Variants in MTPN observed in about 807,000 individuals in gnomAD.
MTPN encodes the protein myotrophin, also known as granule cell differentiation protein.
Under a neutral mutation model 13.5 loss-of-function variants are expected in MTPN, and 2 were observed. That is an observed-to-expected ratio of 0.15 (90% CI 0.06 to 0.47). MTPN has a LOEUF of 0.47. Among genes scored for constraint, MTPN ranks in the 20% least tolerant of loss-of-function variants. MTPN has a pLI of 0.97. For synonymous variants in MTPN, 46 were observed against 51.7 expected, an observed-to-expected ratio of 0.89 and a Z score of 0.48; for missense variants, 79 against 137.9, an observed-to-expected ratio of 0.57 and a Z score of 2.14.
intron 1 of MTPN, among the ~76,000 whole-genome samples, chr7:135,955,851 A>G (rs1799436491): frequency 6.6e-6 from 1 of 152,000 alleles, no homozygotes; most frequent in African/African-American, 2.4e-5. Flanking sequence ...TAAAAAAAAA[A>G]AAACCCAATA....
At chr7:135,974,652 A>C (rs541612163) in intron 1 of MTPN, among the ~76,000 whole-genome samples, 1 of 152,370 alleles carries the variant, frequency 6.6e-6, no homozygotes, top group South Asian at 2.1e-4. Context: ...GAGAGTTTTT[A>C]AAATAGACTC....
At chr7:135,974,557 G>A (rs1799744185) in intron 1 of MTPN, among the ~76,000 whole-genome samples, 1 of 152,118 alleles carries the variant, frequency 6.6e-6, no homozygotes, top group Admixed American at 6.5e-5. Context: ...AAGAGGAGGA[G>A]GAGGGGAATA....
intron 1 of MTPN, among the ~76,000 whole-genome samples, chr7:135,952,609 T>C (rs575955341): frequency 6.6e-6 from 1 of 152,310 alleles, no homozygotes; most frequent in African/African-American, 2.4e-5. Flanking sequence ...CTGTTTCTAA[T>C]TCGCTATTTG....
At chr7:135,949,988 A>G (rs2116373199) in intron 3 of MTPN, among the ~76,000 whole-genome samples, 1 of 152,296 alleles carries the variant, frequency 6.6e-6, no homozygotes, top group East Asian at 1.9e-4. Flanking sequence ...GCTTTCCAAC[A>G]TCTGTAGGAT....
chr7:135,958,383 A>G (rs1290927574), intron 1 of MTPN, among the ~76,000 whole-genome samples: 1 of 152,144 alleles, frequency 6.6e-6, no homozygotes, highest in Non-Finnish European at 1.5e-5. Context: ...TGCCTACCAA[A>G]CAGCTACTAC....
intron 1 of MTPN, among the ~76,000 whole-genome samples, chr7:135,961,195 A>G (rs1444981955): frequency 6.6e-6 from 1 of 152,138 alleles, no homozygotes; most frequent in African/African-American, 2.4e-5. Context: ...TTAGGAGTAT[A>G]AAGTTCTAAC....
intron 1 of MTPN, among the ~76,000 whole-genome samples, chr7:135,962,793 T>C (rs576803579): frequency 2.0e-5 from 3 of 152,072 alleles, no homozygotes; most frequent in Admixed American, 1.3e-4. Flanking sequence ...TTAGGTTTAT[T>C]TGAATAATAA....
In MTPN at chr7:135,950,698, CAG is replaced by C. The variant is rs1182763760; in HGVS notation, c.187-18_187-17del. 5 of 1,567,070 alleles carry C rather than the reference CAG, an allele frequency of 3.2e-6. No individual in the cohort carries two copies. The highest frequency in any genetic ancestry group is 4.4e-6 in the Non-Finnish European group (5 of 1,142,360). ...TATCTGGAGCCTATGAAATAATAAA[CAG>C]AGATAACTTTATCTGTTTTTCATTT... On this transcript the variant is annotated splice_polypyrimidine_tract_variant and intron_variant, in intron 2 of 3. Coordinates refer to ENST00000393085, the MANE Select transcript of MTPN (RefSeq NM_145808.4).
chr7:135,963,281 C>T (rs986794439), intron 1 of MTPN, among the ~76,000 whole-genome samples: 3 of 151,944 alleles, frequency 2.0e-5, no homozygotes, highest in Non-Finnish European at 4.4e-5. Context: ...TCCCTCCTTT[C>T]CTAATACTCT....
intron 3 of MTPN, among the ~76,000 whole-genome samples, chr7:135,933,934 G>A (rs576672754): frequency 6.6e-6 from 1 of 152,184 alleles, no homozygotes; most frequent in Admixed American, 6.5e-5. Flanking sequence ...TTGCTTAAAA[G>A]TGTGTAGCAC....
At position 135,951,486 on chromosome 7, in the gene MTPN, T is replaced by A. The variant is rs755725473; in HGVS notation, c.186+31A>T. On this transcript the variant is annotated intron_variant, in intron 2 of 3. Coordinates refer to ENST00000393085, the MANE Select transcript of MTPN (RefSeq NM_145808.4). ...TACCCATAGCATATTAACAGAAAAT[T>A]TTTTCAAGAATGATCACGTCCTCTA... The A allele has an allele frequency of 8.7e-6, 13 of 1,490,648 alleles. No individual in the cohort carries two copies. In the East Asian group the frequency reaches 2.7e-4, roughly 31 times the overall value. The allele number at this position is 1,490,648 out of a possible 1,614,324, so 92.3% of individuals were successfully genotyped here. A position where few individuals can be genotyped will look rare whatever the true frequency, so the allele number is the denominator to read the frequency against.
intron 3 of MTPN, among the ~76,000 whole-genome samples, chr7:135,933,107 A>G (rs1231622583): frequency 6.6e-6 from 1 of 151,590 alleles, no homozygotes; most frequent in Non-Finnish European, 1.5e-5. Flanking sequence ...TCAAAAAAAA[A>G]AAAAAAAAAA....
At chr7:135,976,836 G>T (rs1407225076) in intron 1 of MTPN, among the ~76,000 whole-genome samples, 193 bp downstream of exon 1, 1 of 151,932 alleles carries the variant, frequency 6.6e-6, no homozygotes, top group Non-Finnish European at 1.5e-5. Flanking sequence ...GACACAGAAC[G>T]CTACCAAGTT....
rs201684302 is a variant in MTPN, at chr7:135,930,025, G to T, written c.271-13C>A. On this transcript the variant is annotated splice_polypyrimidine_tract_variant and intron_variant, in intron 3 of 3. Transcript: ENST00000393085. ...TCTTATCAGCACCCTGGAAAAGAGA[G>T]GAAAGGGCTCATTAAATGAGCCCAC... 11 of 1,607,610 alleles carry T rather than the reference G, an allele frequency of 6.8e-6. No individual in the cohort carries two copies. In the Admixed American group the frequency reaches 1.8e-4, roughly 27 times the overall value.
intron 1 of MTPN, among the ~76,000 whole-genome samples, chr7:135,954,833 C>T (rs944673797): frequency 3.9e-5 from 6 of 152,160 alleles, no homozygotes; most frequent in African/African-American, 1.4e-4. Context: ...GTCCCAGCTA[C>T]TTGGGAGGCT....
At chr7:135,973,045 T>C (rs1205043568) in intron 1 of MTPN, among the ~76,000 whole-genome samples, 2 of 150,030 alleles carry the variant, frequency 1.3e-5, no homozygotes, top group Non-Finnish European at 3.0e-5. Flanking sequence ...TAGTACACCA[T>C]ACCAATGAGG....
At chr7:135,961,372 CA>C (rs1400091551) in intron 1 of MTPN, among the ~76,000 whole-genome samples, 1 of 151,858 alleles carries the variant, frequency 6.6e-6, no homozygotes, top group African/African-American at 2.4e-5. Context: ...AAAAGACTCC[CA>C]AAATTAAAAA....
intron 1 of MTPN, among the ~76,000 whole-genome samples, chr7:135,973,382 C>T (rs571111056): frequency 6.6e-6 from 1 of 151,306 alleles, no homozygotes; most frequent in East Asian, 2.0e-4. Context: ...TCTTGGTAAC[C>T]CTCAGAAATC....
intron 3 of MTPN, among the ~76,000 whole-genome samples, chr7:135,939,451 CTACAG>C (rs1236094343): frequency 5.9e-5 from 9 of 151,882 alleles, no homozygotes; most frequent in Non-Finnish European, 1.2e-4. Flanking sequence ...TCCCTTAAAG[CTACAG>C]GTGACTATCT....
Sources: gnomAD v4.1 joint callset for allele counts (sites outside exome capture counted in the v4.1 genomes callset) on GRCh38, gnomAD v4.1.1 for gene constraint, MANE v1.5 for transcripts, NCBI Gene and HGNC (gene_info 2026-07-23, HGNC 2026-07-21) for gene names.